Variants in TENM4 observed in about 807,000 individuals in gnomAD.
The protein encoded by TENM4 is teneurin transmembrane protein 4.
A neutral mutation model predicts 243.3 loss-of-function variants in TENM4; 82 were observed. The observed-to-expected ratio is 0.34, with a 90% CI of 0.28 to 0.40. The LOEUF (loss-of-function observed/expected upper bound fraction) is 0.40. TENM4 is among the 10% of genes least tolerant of loss of function. The pLI is 1.00. For synonymous variants in TENM4, 1,412 were observed against 1,456.3 expected, an observed-to-expected ratio of 0.97 and a Z score of 0.69; for missense variants, 3,138 against 3,673.3, an observed-to-expected ratio of 0.85 and a Z score of 3.77.
intron 33 of TENM4, among the ~76,000 whole-genome samples, chr11:78,659,948 C>A (rs1327918987): frequency 6.6e-6 from 1 of 152,344 alleles, no homozygotes; most frequent in East Asian, 1.9e-4. Flanking sequence ...TGTCTGTGAA[C>A]AATTATTTCC....
Position 78,732,393 on chromosome 11 carries a change from G to T in TENM4, c.3061C>A (p.Pro1021Thr), listed in dbSNP as rs868178493. 1 of 1,613,964 alleles carries T rather than the reference G, an allele frequency of 6.2e-7. No individual in the cohort carries two copies. The highest frequency in any genetic ancestry group is 8.5e-7 in the Non-Finnish European group (1 of 1,179,882). ...GTCAGTGGGGATGGAGAGACGACTG[G>T]GTTGGGGCGGGCAAAATTGCTCAGG... ...CDLSNFARPN[P>T]VVSPSPLTSF... Residue 1021 changes from proline (P) to threonine (T), a missense_variant, in exon 21 of 34, where the codon CCA becomes ACA. Transcript: ENST00000278550.
rs370426919 is a variant in TENM4 at position 79,040,374 on chromosome 11, TCCAGCCTCCAGGAGCAG to T, written c.493+24347_493+24363del. On this transcript the variant is annotated intron_variant, in intron 6 of 33. Transcript: ENST00000278550. ...CCTTCTTCCTCACTGACTGCCTTTG[TCCAGCCTCCAGGAGCAG>T]CCAGCCTCCAGGAGCAGCCAGCCTC... 2.9e-3 allele frequency among the ~76,000 whole-genome samples: 442 copies of T among 152,268 alleles called. 2 individuals are homozygous for T. The highest frequency in any genetic ancestry group is 9.8e-3 in the African/African-American group (409 of 41,560).
chr11:78,975,805 T>A (rs1857642179), intron 6 of TENM4, among the ~76,000 whole-genome samples: 1 of 112,534 alleles, frequency 8.9e-6, no homozygotes, highest in Non-Finnish European at 1.8e-5. Context: ...AACCAGCAAC[T>A]GTGGGAGGGT....
At chr11:78,956,896 C>A (rs1857217812) in intron 6 of TENM4, among the ~76,000 whole-genome samples, 1 of 152,186 alleles carries the variant, frequency 6.6e-6, no homozygotes, top group Non-Finnish European at 1.5e-5. Context: ...ATATGCACTC[C>A]ATTTTCTTTT....
chr11:79,008,117 G>A (rs546135461), intron 6 of TENM4, among the ~76,000 whole-genome samples: 2 of 152,312 alleles, frequency 1.3e-5, no homozygotes, highest in East Asian at 1.9e-4. Flanking sequence ...GGAACGTGAT[G>A]GAGTTACCCA....
chr11:79,418,114 A>T (rs1858857236), intron 1 of TENM4, among the ~76,000 whole-genome samples: 1 of 136,410 alleles, frequency 7.3e-6, no homozygotes, highest in Non-Finnish European at 1.6e-5. Context: ...ACAAACAAGG[A>T]TGCATAATAA....
intron 6 of TENM4, among the ~76,000 whole-genome samples, chr11:78,985,495 CA>C (rs1403462795): frequency 6.6e-6 from 1 of 152,066 alleles, no homozygotes; most frequent in Admixed American, 6.6e-5. Flanking sequence ...AGTTTAAAGC[CA>C]TTTTGATATT....
intron 12 of TENM4, among the ~76,000 whole-genome samples, chr11:78,850,061 C>CTGTGTGTGTGTGTGTG (rs142162971): frequency 8.7e-5 from 13 of 149,788 alleles, no homozygotes; most frequent in African/African-American, 3.2e-4. Flanking sequence ...TTTCAGTGCT[C>CTGTGTGTGTGTGTGTG]TGTGTGTGTG....
intron 15 of TENM4, among the ~76,000 whole-genome samples, chr11:78,803,142 G>A (rs761309874): frequency 3.3e-5 from 5 of 151,360 alleles, no homozygotes; most frequent in South Asian, 2.1e-4. Flanking sequence ...GAGATTCTCC[G>A]CCTCAGCCTC....
chr11:79,331,156 T>C (rs1590885480), intron 1 of TENM4, among the ~76,000 whole-genome samples: 1 of 152,070 alleles, frequency 6.6e-6, no homozygotes. Context: ...AGAAAAGCCC[T>C]GGTTGTGCTC....
chr11:79,401,188 T>C (rs1019761699), intron 1 of TENM4, among the ~76,000 whole-genome samples: 15 of 152,332 alleles, frequency 9.8e-5, no homozygotes, highest in Admixed American at 9.8e-4. Context: ...CCTGCCTCCT[T>C]CCCTCCCTCT....
intron 2 of TENM4, among the ~76,000 whole-genome samples, chr11:79,233,187 T>TATC (rs1176333535): frequency 6.6e-6 from 1 of 152,234 alleles, no homozygotes; most frequent in Non-Finnish European, 1.5e-5. Context: ...TTTACTAACA[T>TATC]ATCTCTCTCC....
At chr11:79,369,068 C>A (rs1857730983) in intron 1 of TENM4, among the ~76,000 whole-genome samples, 1 of 152,210 alleles carries the variant, frequency 6.6e-6, no homozygotes, top group Non-Finnish European at 1.5e-5. Context: ...TCCCCACTCT[C>A]TTTTCCCTTA....
intron 3 of TENM4, among the ~76,000 whole-genome samples, chr11:79,157,994 G>A (rs560042283): frequency 2.6e-5 from 4 of 152,060 alleles, no homozygotes; most frequent in Admixed American, 6.6e-5. Context: ...TCCACTACAC[G>A]TCCTACCTGC....
rs181269683 is a variant in TENM4, at chr11:78,709,666, T to G, written c.4055-1151A>C. Among the ~76,000 whole-genome samples, 348 of 152,306 alleles carry G rather than the reference T, an allele frequency of 2.3e-3. 1 individual carries two copies. Among genetic ancestry groups the G allele is most frequent in the Non-Finnish European group, 4.1e-3 (279 of 68,026 alleles). On this transcript the variant is annotated intron_variant, in intron 26 of 33. Transcript: ENST00000278550. ...CTCAAGTGGAGTCTGAGCTACTATC[T>G]GCATTTTTGACAAGCACCTTGGGTG...
chr11:79,227,706 T>C (rs7937631), intron 2 of TENM4, among the ~76,000 whole-genome samples: 1,753 of 152,278 alleles, frequency 0.012, 23 homozygotes, highest in African/African-American at 0.039. Context: ...TTGCTGTTGG[T>C]TGATAAACTA....
At chr11:79,435,244 A>C (rs949101688) in intron 1 of TENM4, among the ~76,000 whole-genome samples, 3 of 152,222 alleles carry the variant, frequency 2.0e-5, no homozygotes, top group Non-Finnish European at 4.4e-5. Context: ...AAGAAAAAAA[A>C]AGTAATAAAT....
intron 3 of TENM4, among the ~76,000 whole-genome samples, chr11:79,182,796 G>A (rs930370013): frequency 6.6e-6 from 1 of 152,108 alleles, no homozygotes; most frequent in African/African-American, 2.4e-5. Flanking sequence ...TATTCAGATG[G>A]CAACTAAACA....
intron 4 of TENM4, among the ~76,000 whole-genome samples, chr11:79,142,533 A>G (rs968984203): frequency 2.0e-5 from 3 of 152,138 alleles, no homozygotes; most frequent in Non-Finnish European, 2.9e-5. Context: ...GGAAGAATCA[A>G]TATTGTTAAA....
Sources: gnomAD v4.1 joint callset for allele counts (sites outside exome capture counted in the v4.1 genomes callset) on GRCh38, gnomAD v4.1.1 for gene constraint, MANE v1.5 for transcripts, NCBI Gene and HGNC (gene_info 2026-07-23, HGNC 2026-07-21) for gene names.